SLC35E2B: variants seen among roughly 807,000 people sequenced by gnomAD.
SLC35E2B encodes solute carrier family 35 member E2B.
Under a neutral mutation model 32.4 loss-of-function variants are expected in SLC35E2B, and 18 were observed. The observed-to-expected ratio is 0.56, with a 90% CI of 0.38 to 0.82. SLC35E2B has a LOEUF of 0.82. Among genes scored for constraint, SLC35E2B ranks in the 40% least tolerant of loss-of-function variants. The probability of loss-of-function intolerance (pLI) is 0.00; values close to 1 mark genes in which losing one functional copy is unlikely to be tolerated. For missense variants in SLC35E2B, 263 were observed against 469.5 expected (o/e 0.56, Z 4.06); for synonymous variants, 132 against 209.1 (o/e 0.63, Z 3.18).
intron 6 of SLC35E2B, chr1:1,670,760 A>T (rs1363884389): frequency 1.3e-5 from 2 of 152,258 alleles, no homozygotes; most frequent in Non-Finnish European, 2.9e-5. Flanking sequence ...AAATCTCACC[A>T]CAAACCTGTT....
chr1:1,669,648 T>G lies in SLC35E2B; in HGVS notation c.834+16A>C. ...GCCCGGCAAGTAAGGACGGGACGCC[T>G]GTGTCTGAAACCCACCGTAAAGAAA... On this transcript the variant is annotated intron_variant, in intron 8 of 9. Coordinates refer to ENST00000617444, the MANE Select transcript of SLC35E2B (RefSeq NM_001290264.2). 1 of 1,516,978 alleles carries G rather than the reference T, an allele frequency of 6.6e-7. No individual in the cohort carries two copies. The highest frequency in any genetic ancestry group is 8.9e-7 in the Non-Finnish European group (1 of 1,121,170). The allele number at this position is 1,516,978 out of a possible 1,614,324, so 94.0% of individuals were successfully genotyped here.
At chr1:1,675,228 C>T (rs1369564611) in intron 5 of SLC35E2B, among the ~76,000 whole-genome samples, 2 of 138,950 alleles carry the variant, frequency 1.4e-5, no homozygotes, top group African/African-American at 5.1e-5. Flanking sequence ...GTTAGGGCCA[C>T]AGACACAACC....
intron 9 of SLC35E2B, among the ~76,000 whole-genome samples, chr1:1,666,340 T>C (rs918904667): frequency 4.6e-5 from 7 of 152,142 alleles, no homozygotes; most frequent in Non-Finnish European, 8.8e-5. Flanking sequence ...AGGAGAAACC[T>C]AAGTAACGGC....
At chr1:1,686,311 CTTTT>C (rs1252645121) in intron 2 of SLC35E2B, among the ~76,000 whole-genome samples, 3 of 123,002 alleles carry the variant, frequency 2.4e-5, no homozygotes, top group Non-Finnish European at 3.3e-5. Context: ...CCTCCCTTTT[CTTTT>C]TTTTTCTTTT....
intron 2 of SLC35E2B, among the ~76,000 whole-genome samples, chr1:1,689,022 C>A (rs552022356): frequency 1.4e-4 from 22 of 151,908 alleles, no homozygotes; most frequent in Admixed American, 3.9e-4. Flanking sequence ...ATACAAAAAA[C>A]TTAGCTGGAC....
At chr1:1,669,282 C>G (rs1345877353) in intron 8 of SLC35E2B, among the ~76,000 whole-genome samples, 1 of 151,808 alleles carries the variant, frequency 6.6e-6, no homozygotes, top group Admixed American at 6.6e-5. Context: ...TAACTTGAGC[C>G]TGGTAGGCAG....
chr1:1,689,485 G>C (rs1165615708), intron 2 of SLC35E2B, among the ~76,000 whole-genome samples: 1 of 151,446 alleles, frequency 6.6e-6, no homozygotes, highest in East Asian at 1.9e-4. Flanking sequence ...GCAGCAGCAG[G>C]GTCACGATTC....
intron 2 of SLC35E2B, among the ~76,000 whole-genome samples, chr1:1,677,383 C>A (rs1294026792): frequency 1.3e-5 from 2 of 151,328 alleles, no homozygotes; most frequent in Non-Finnish European, 2.9e-5. Flanking sequence ...GGCTGTGGGT[C>A]CTTCACGCCC....
rs545859954 is a variant in SLC35E2B, at chr1:1,665,230, C to T, written c.*552G>A. On this transcript the variant is annotated 3_prime_UTR_variant, in exon 10 of 10. Transcript: ENST00000617444. ...TGGGATAGTCTGAGGATGCCCACAG[C>T]CCTGGGTCAGGTGGGGAGAAGTTCT... The T allele has an allele frequency of 3.2e-4, 67 of 212,188 alleles. No homozygotes were observed. The highest frequency in any genetic ancestry group is 1.5e-3 in the African/African-American group (64 of 43,618). 13.1% of individuals were successfully genotyped at this position (212,188 alleles called of 1,614,324 possible). A position where few individuals can be genotyped will look rare whatever the true frequency, so the allele number is the denominator to read the frequency against.
chr1:1,662,961 G>A lies in SLC35E2B; in HGVS notation c.*2821C>T, dbSNP rs181381268. ...AAAATGTCTGTACAATCGTTAACAC[G>A]GCCAAGCCAGGCCTTGGGTTTTGCC... On this transcript the variant is annotated 3_prime_UTR_variant, in exon 10 of 10. Coordinates refer to ENST00000617444, the MANE Select transcript of SLC35E2B (RefSeq NM_001290264.2). 814 of 920,476 alleles carry A rather than the reference G, an allele frequency of 8.8e-4. 29 individuals are homozygous for A. The African/African-American group carries it at 0.012, about 13-fold the overall frequency. The allele number at this position is 920,476 out of a possible 1,614,324, so 57.0% of individuals were successfully genotyped here.
intron 6 of SLC35E2B, chr1:1,670,479 T>C (rs1236767418): frequency 9.5e-6 from 2 of 210,520 alleles, no homozygotes; most frequent in Non-Finnish European, 1.9e-5. Context: ...TGGAGTGCAG[T>C]GGCGCAATCT....
At chr1:1,670,940 G>C (rs1178958082) in intron 6 of SLC35E2B, 1 of 152,172 alleles carries the variant, frequency 6.6e-6, no homozygotes, top group East Asian at 1.9e-4. Context: ...GCCCAATTCT[G>C]GGTGAATCTG....
At chr1:1,686,167 G>A (rs1482357476) in intron 2 of SLC35E2B, among the ~76,000 whole-genome samples, 5 of 152,070 alleles carry the variant, frequency 3.3e-5, no homozygotes, top group African/African-American at 1.2e-4. Flanking sequence ...ACCAAACCCT[G>A]CTGATTTTGT....
chr1:1,687,585 A>T (rs1159516627), intron 2 of SLC35E2B, among the ~76,000 whole-genome samples: 1 of 152,052 alleles, frequency 6.6e-6, no homozygotes, highest in African/African-American at 2.4e-5. Flanking sequence ...TACAAAAAAA[A>T]TTAGCCAGAC....
At chr1:1,680,552 C>CG (rs1321961380) in intron 2 of SLC35E2B, among the ~76,000 whole-genome samples, 1 of 152,102 alleles carries the variant, frequency 6.6e-6, no homozygotes, top group Non-Finnish European at 1.5e-5. Flanking sequence ...CCCCAGCCAA[C>CG]GTCACACCGA....
Position 1,664,778 on chromosome 1 carries a change from C to T in SLC35E2B, c.*1004G>A, listed in dbSNP as rs1304412148. 26 of 900,540 alleles carry T rather than the reference C, an allele frequency of 2.9e-5. 2 individuals carry two copies. The East Asian group carries it at 1.2e-3, about 41-fold the overall frequency. 55.8% of individuals were successfully genotyped at this position (900,540 alleles called of 1,614,324 possible). A position where few individuals can be genotyped will look rare whatever the true frequency, so the allele number is the denominator to read the frequency against. On this transcript the variant is annotated 3_prime_UTR_variant, in exon 10 of 10. Coordinates refer to ENST00000617444, the MANE Select transcript of SLC35E2B (RefSeq NM_001290264.2). ...TCAGTAAGGACGGCGCCCAGGTAAA[C>T]GCCACGTAACCCAAACCATCAACAC...
At position 1,665,862 on chromosome 1, in the gene SLC35E2B, T is replaced by A; in HGVS notation, c.1138A>T (p.Ser380Cys). The A allele has an allele frequency of 6.4e-7, 1 of 1,550,830 alleles. No individual in the cohort carries two copies. The highest frequency in any genetic ancestry group is 8.7e-7 in the Non-Finnish European group (1 of 1,146,986). ...GCCCGGCCAGTGGCTGCAGCCAGGC[T>A]CTGCAGCGCCTCCTGCTGGTGTTGC... ...ARQHQQEALQSLAAATGRAPD... is the reference protein window; with the variant it reads ...ARQHQQEALQCLAAATGRAPD... The change falls in exon 10 of 10, where the codon AGC becomes TGC. Residue 380 changes from serine (S) to cysteine (C), a missense_variant. Ser to Cys is a moderately radical substitution (Grantham distance 112). This residue lies in a region of SLC35E2B where 78 missense variants were observed against 71.1 expected (regional missense o/e 1.10). Transcript: ENST00000617444.
At chr1:1,667,189 A>G (rs1352689416) in intron 9 of SLC35E2B, among the ~76,000 whole-genome samples, 3 of 142,578 alleles carry the variant, frequency 2.1e-5, no homozygotes, top group Admixed American at 1.5e-4. Flanking sequence ...GGCAGATCAC[A>G]AGGTCAGGAG....
At chr1:1,672,832 G>A (rs926779152) in intron 5 of SLC35E2B, 2 of 152,708 alleles carry the variant, frequency 1.3e-5, no homozygotes, top group African/African-American at 4.8e-5. Context: ...GGCACCGGAA[G>A]CCGGGTGCCT....
Sources: gnomAD v4.1 joint callset for allele counts (sites outside exome capture counted in the v4.1 genomes callset) on GRCh38, gnomAD v4.1.1 for gene constraint, gnomAD v4.1.1 regional missense constraint, MANE v1.5 for transcripts, NCBI Gene and HGNC (gene_info 2026-07-23, HGNC 2026-07-21) for gene names.